The following DNAH7 variants were observed in gnomAD, a reference collection of about 807,000 sequenced individuals.
DNAH7 encodes the protein dynein axonemal heavy chain 7.
A neutral mutation model predicts 444.6 loss-of-function variants in DNAH7; 397 were observed. That is an observed-to-expected ratio of 0.89 (90% confidence interval 0.82 to 0.97). The LOEUF (loss-of-function observed/expected upper bound fraction) is 0.97. DNAH7 is among the 50% of genes least tolerant of loss of function. The pLI, the probability that DNAH7 is intolerant of heterozygous loss-of-function variation, is 0.00. For synonymous variants in DNAH7, 1,636 were observed against 1,624.4 expected, an observed-to-expected ratio of 1.01 and a Z score of -0.17; for missense variants, 4,902 against 4,800.8, an observed-to-expected ratio of 1.02 and a Z score of -0.62.
At chr2:196,059,942 G>A (rs1035753748) in intron 1 of DNAH7, among the ~76,000 whole-genome samples, 1 of 152,120 alleles carries the variant, frequency 6.6e-6, no homozygotes, top group Admixed American at 6.6e-5. Context: ...CTGGCTGGGC[G>A]CAGTGGCTCA....
intron 5 of DNAH7, among the ~76,000 whole-genome samples, chr2:196,039,103 T>C (rs188917131): frequency 6.7e-4 from 102 of 152,244 alleles, no homozygotes; most frequent in African/African-American, 2.1e-3. Flanking sequence ...GCATGGAACA[T>C]ACTCCAGGTT....
rs530912019 is a variant in DNAH7 at position 195,923,793 on chromosome 2, G to A, written c.3627C>T (p.Tyr1209=). 3 of 1,613,994 alleles carry A rather than the reference G, an allele frequency of 1.9e-6. No individual in the cohort carries two copies. In the South Asian group the frequency reaches 3.3e-5, roughly 18 times the overall value. Residue 1209 remains tyrosine, a synonymous_variant, in exon 23 of 65, where the codon TAC becomes TAT. Coordinates refer to ENST00000312428, the MANE Select transcript of DNAH7 (RefSeq NM_018897.3). The stretch of plus-strand genomic sequence containing the variant: ...CAATTTGTCTGTTACATGTTTTCAA[G>A]TATTGCTCAAGAGCCTGAAAGAAAA... ...IPMGIKALEQ[Y]LKTCNRQIDD...
chr2:195,949,144 C>A (rs1365877787), intron 19 of DNAH7, among the ~76,000 whole-genome samples: 5 of 152,040 alleles, frequency 3.3e-5, no homozygotes, highest in Non-Finnish European at 7.4e-5. Context: ...GATTTTGTAT[C>A]CTGAGACTTT....
chr2:195,909,737 T>C (rs974652585), intron 25 of DNAH7, among the ~76,000 whole-genome samples: 4 of 152,204 alleles, frequency 2.6e-5, no homozygotes, highest in Admixed American at 2.6e-4. Flanking sequence ...CTTTACACGA[T>C]GCAATCGTTC....
chr2:195,970,166 T>A lies in DNAH7; in HGVS notation c.2059-72A>T. The A allele has an allele frequency of 2.2e-6, 3 of 1,384,514 alleles. No individual in the cohort carries two copies. The South Asian group carries it at 4.6e-5, about 21-fold the overall frequency. 85.8% of individuals were successfully genotyped at this position (1,384,514 alleles called of 1,614,324 possible). A position where few individuals can be genotyped will look rare whatever the true frequency, so the allele number is the denominator to read the frequency against. ...TTGCTGTCAAAAAATTTTAACATTG[T>A]AGGAGTTATCAGAATTATTATTATA... On this transcript the variant is annotated intron_variant, in intron 16 of 64. Coordinates refer to ENST00000312428, the MANE Select transcript of DNAH7 (RefSeq NM_018897.3).
intron 27 of DNAH7, 74 bp downstream of exon 27, chr2:195,906,585 C>G: frequency 6.8e-7 from 1 of 1,460,462 alleles, no homozygotes; most frequent in Admixed American, 2.0e-5. Flanking sequence ...TTAGCCACCA[C>G]GCCCAGCTCT....
At chr2:195,931,240 T>C (rs550189066) in intron 21 of DNAH7, among the ~76,000 whole-genome samples, 36 of 152,218 alleles carry the variant, frequency 2.4e-4, no homozygotes, top group Non-Finnish European at 5.1e-4. Flanking sequence ...GAGAAGTGTC[T>C]GTTCATATTC....
chr2:195,738,142 A>G lies in DNAH7; in HGVS notation c.11869-15T>C, dbSNP rs1317401436. 8.1e-6 allele frequency: 13 copies of G among 1,607,490 alleles called. No individual in the cohort carries two copies. Among genetic ancestry groups the G allele is most frequent in the South Asian group, 2.2e-5 (2 of 90,856 alleles). On this transcript the variant is annotated splice_polypyrimidine_tract_variant and intron_variant, in intron 64 of 64. Coordinates refer to ENST00000312428, the MANE Select transcript of DNAH7 (RefSeq NM_018897.3). ...TTTAGCCACATCTGGAAGAAAGTAC[A>G]TAACACCTCTTTAAGTCAAGGCTGT...
intron 12 of DNAH7, among the ~76,000 whole-genome samples, chr2:195,991,880 C>T (rs1197296247): frequency 6.6e-6 from 1 of 152,122 alleles, no homozygotes; most frequent in Admixed American, 6.6e-5. Context: ...AAGAAAATGA[C>T]GATGCAAGAA....
At chr2:195,760,794 A>C (rs1228226142) in intron 61 of DNAH7, among the ~76,000 whole-genome samples, 1 of 152,150 alleles carries the variant, frequency 6.6e-6, no homozygotes, top group African/African-American at 2.4e-5. Flanking sequence ...GTCCCTTCAA[A>C]TATCTGGAAA....
chr2:196,058,058 G>A lies in DNAH7; in HGVS notation c.74C>T (p.Ser25Phe). ...GATGGTATATTGGTAAATTACCATA[G>A]ACAGCTGTGGTAGAAATCTTACTGG... is the stretch of plus-strand genomic sequence containing the variant. The part of the protein sequence containing the change: ...KKPVRFLPQL[S>F]MEKLASKEKF... The change falls in exon 2 of 65, where the codon TCT becomes TTT. Residue 25 changes from serine to phenylalanine, a missense_variant. Transcript: ENST00000312428. 6.4e-7 allele frequency: 1 copy of A among 1,554,010 alleles called. No individual in the cohort carries two copies. The highest frequency in any genetic ancestry group is 8.7e-7 in the Non-Finnish European group (1 of 1,147,960).
intron 61 of DNAH7, among the ~76,000 whole-genome samples, chr2:195,764,234 A>G (rs928430385): frequency 1.3e-5 from 2 of 152,088 alleles, no homozygotes; most frequent in African/African-American, 4.8e-5. Context: ...TAGAAGGAAC[A>G]TACATCAACT....
At position 195,972,262 on chromosome 2, in the gene DNAH7, G is replaced by C. The variant is rs1371027100; in HGVS notation, c.2038C>G (p.Gln680Glu). The C allele has an allele frequency of 8.1e-6, 13 of 1,613,414 alleles. No homozygotes were observed. The highest frequency in any genetic ancestry group is 1.1e-5 in the Non-Finnish European group (13 of 1,179,464). ...CCAACCTTCAGACCTTCTTGATATT[G>C]TTCTATTTTCTCTTTAATGATTTTC... Reference protein sequence around the residue: ...HRKIIKEKIEQYQEGLKLRCE... With the variant: ...HRKIIKEKIEEYQEGLKLRCE... Residue 680 changes from glutamine (Q) to glutamate (E), a missense_variant, in exon 16 of 65, where the codon CAA (glutamine) becomes GAA (glutamate). Gln to Glu is a conservative substitution (Grantham distance 29). Transcript: ENST00000312428.
chr2:195,751,883 A>T (rs1318007024), intron 63 of DNAH7, among the ~76,000 whole-genome samples: 1 of 152,180 alleles, frequency 6.6e-6, no homozygotes, highest in African/African-American at 2.4e-5. Context: ...TTCATTTTTT[A>T]AAAAAGTTCT....
At chr2:196,008,753 T>A (rs926480595) in intron 10 of DNAH7, among the ~76,000 whole-genome samples, 1 of 152,196 alleles carries the variant, frequency 6.6e-6, no homozygotes, top group Non-Finnish European at 1.5e-5. Context: ...AATATTAGCA[T>A]AGTTACCAGG....
At position 195,808,767 on chromosome 2, in the gene DNAH7, C is replaced by T. The variant is rs1383340880; in HGVS notation, c.9998G>A (p.Arg3333Gln). 7.4e-6 allele frequency: 12 copies of T among 1,613,880 alleles called. No individual in the cohort carries two copies. Among genetic ancestry groups the T allele is most frequent in the Admixed American group, 3.3e-5 (2 of 59,996 alleles). The change falls in exon 53 of 65, where the codon CGA becomes CAA. Residue 3333 changes from arginine to glutamine, a missense_variant. By Grantham distance (43) the Arg-to-Gln change is conservative. Transcript: ENST00000312428. ...LPQKSWDEIC[R>Q]LDDLPAFKTI... ...TTTGAAGGCAGGCAAATCATCTAAT[C>T]GACATATTTCATCCCAGGATTTCTG...
chr2:195,862,946 G>A (rs1477918200), intron 41 of DNAH7, among the ~76,000 whole-genome samples: 1 of 152,198 alleles, frequency 6.6e-6, no homozygotes, highest in East Asian at 1.9e-4. Flanking sequence ...TGAGGCAGAA[G>A]AATTGCTTGA....
intron 57 of DNAH7, among the ~76,000 whole-genome samples, chr2:195,791,347 G>A (rs1012407164): frequency 1.3e-4 from 19 of 145,920 alleles, no homozygotes; most frequent in Non-Finnish European, 2.2e-4. Context: ...GGCGCCTGTA[G>A]TCCCAGCTAC....
chr2:195,923,605 T>C lies in DNAH7; in HGVS notation c.3815A>G (p.Tyr1272Cys), dbSNP rs752910843. 9 of 1,614,066 alleles carry C rather than the reference T, an allele frequency of 5.6e-6. No homozygotes were observed. The highest frequency in any genetic ancestry group is 2.2e-5 in the East Asian group (1 of 44,862). Residue 1272 changes from tyrosine (Y) to cysteine (C), a missense_variant, in exon 23 of 65, where the codon TAC becomes TGC. Physicochemically the swap from Tyr to Cys is radical, Grantham distance 194. Transcript: ENST00000312428. ...AGTGATACCACTTACTTGCCAGTAGTACCTAAGCTGACTTAACCATTCAAA... is the reference window on the plus strand; with the variant it reads ...AGTGATACCACTTACTTGCCAGTAGCACCTAAGCTGACTTAACCATTCAAA... ...SDFEWLSQLR[Y>C]YWQENHLETK... is the part of the protein sequence containing the mutation.
Sources: allele counts gnomAD v4.1 joint callset (sites outside exome capture counted in the v4.1 genomes callset), GRCh38; gene constraint gnomAD v4.1.1; transcripts MANE v1.5; gene names NCBI Gene and HGNC (gene_info 2026-07-23, HGNC 2026-07-21).